Variants in RNF17 observed in about 807,000 individuals in gnomAD.
RNF17 encodes spermatogenesis associated 23.
A neutral mutation model predicts 200.5 loss-of-function variants in RNF17; 31 were observed. The observed-to-expected ratio is 0.15, with a 90% CI of 0.12 to 0.21. The LOEUF (loss-of-function observed/expected upper bound fraction) is 0.21, where lower values mean the gene tolerates loss of function less well. RNF17 is among the 10% of genes least tolerant of loss of function. The pLI is 1.00. For missense variants in RNF17, 1,628 were observed against 1,905.1 expected, an observed-to-expected ratio of 0.85 and a Z score of 2.71; for synonymous variants, 606 against 637.8, an observed-to-expected ratio of 0.95 and a Z score of 0.75.
intron 2 of RNF17, among the ~76,000 whole-genome samples, chr13:24,771,489 A>G (rs1880690368): frequency 6.6e-6 from 1 of 151,552 alleles, no homozygotes; most frequent in Non-Finnish European, 1.5e-5. Context: ...CTAAGTTGTA[A>G]GAGTACTTTA....
chr13:24,879,409 C>T lies in RNF17; in HGVS notation c.*10+114C>T, dbSNP rs191653976. The T allele has an allele frequency of 6.2e-5, 42 of 674,302 alleles. No individual in the cohort carries two copies. In the East Asian group the frequency reaches 8.2e-4, roughly 13 times the overall value. 41.8% of individuals were successfully genotyped at this position (674,302 alleles called of 1,614,324 possible). A position where few individuals can be genotyped will look rare whatever the true frequency, so the allele number is the denominator to read the frequency against. On this transcript the variant is annotated intron_variant, in intron 35 of 35. Coordinates refer to ENST00000255324, the MANE Select transcript of RNF17 (RefSeq NM_031277.3). ...TGATTTCTCAAAGGAATGACAGCAA[C>T]GCTCCACCAGATTTCTTCATAGGCC...
downstream of RNF17, chr13:24,883,361 T>C (rs1953919008): frequency 1.9e-6 from 3 of 1,600,314 alleles, no homozygotes; most frequent in Non-Finnish European, 2.6e-6. Context: ...TATGAGTTTG[T>C]TGCCATCACT....
At chr13:24,881,596 ATATC>A (rs962766296), downstream of RNF17, among the ~76,000 whole-genome samples, 18 of 151,716 alleles carry the variant, frequency 1.2e-4, no homozygotes, top group Middle Eastern at 3.4e-3. Context: ...ATATATAGAT[ATATC>A]TATCTAGATT....
intron 9 of RNF17, among the ~76,000 whole-genome samples, chr13:24,790,627 C>G (rs2137634841): frequency 6.6e-6 from 1 of 152,296 alleles, no homozygotes; most frequent in East Asian, 1.9e-4. Flanking sequence ...TTCTGTAACT[C>G]ATAAAGAACA....
chr13:24,828,620 T>C (rs998505020), intron 16 of RNF17, among the ~76,000 whole-genome samples: 2 of 151,294 alleles, frequency 1.3e-5, no homozygotes, highest in Non-Finnish European at 2.9e-5. Context: ...TATAGTTGTA[T>C]CACAATTTTT....
chr13:24,812,514 A>G (rs1367297920), intron 15 of RNF17, among the ~76,000 whole-genome samples: 3 of 151,546 alleles, frequency 2.0e-5, no homozygotes, highest in African/African-American at 4.8e-5. Context: ...CGCATGGTGC[A>G]TGCACCCACT....
chr13:24,769,079 G>C (rs904263803), intron 2 of RNF17, among the ~76,000 whole-genome samples: 10 of 147,152 alleles, frequency 6.8e-5, no homozygotes, highest in Non-Finnish European at 1.3e-4. Context: ...TGTGGTTGTG[G>C]TAGTAGATCC....
At chr13:24,775,202 GA>G (rs1189026023) in intron 3 of RNF17, among the ~76,000 whole-genome samples, 1 of 152,100 alleles carries the variant, frequency 6.6e-6, no homozygotes, top group Non-Finnish European at 1.5e-5. Context: ...AAGTTATAGA[GA>G]AAAAAAGTAA....
intron 9 of RNF17, among the ~76,000 whole-genome samples, chr13:24,791,021 G>C (rs182544972): frequency 6.6e-6 from 1 of 152,106 alleles, no homozygotes; most frequent in Non-Finnish European, 1.5e-5. Flanking sequence ...TAGACAATGT[G>C]GCATATTTCT....
intron 19 of RNF17, among the ~76,000 whole-genome samples, 158 bp from the exon 20 acceptor site, chr13:24,843,586 C>T (rs1249619485): frequency 2.6e-5 from 4 of 152,016 alleles, no homozygotes; most frequent in Non-Finnish European, 4.4e-5. Context: ...TGAAGTATAA[C>T]TTATATACAG....
chr13:24,844,453 T>G (rs1188717555), intron 20 of RNF17, among the ~76,000 whole-genome samples, 199 bp from the exon 21 acceptor site: 4 of 152,086 alleles, frequency 2.6e-5, no homozygotes, highest in African/African-American at 9.7e-5. Flanking sequence ...GCCATATAAG[T>G]GTCTGAGGGA....
the RNF17 span, among the ~76,000 whole-genome samples, chr13:24,749,242 C>T: frequency 2.6e-4 from 40 of 151,820 alleles, no homozygotes; most frequent in African/African-American, 8.9e-4. Context: ...AGCTGACTTG[C>T]AGAAAGATGA....
intron 27 of RNF17, 59 bp downstream of exon 27, chr13:24,861,446 T>A: frequency 1.7e-6 from 2 of 1,163,256 alleles, no homozygotes; most frequent in South Asian, 1.9e-5. Context: ...TATTAATAAT[T>A]TTTTAGAAAT....
chr13:24,772,859 C>T (rs1880982928), intron 2 of RNF17, among the ~76,000 whole-genome samples: 2 of 152,130 alleles, frequency 1.3e-5, no homozygotes, highest in Non-Finnish European at 2.9e-5. Flanking sequence ...ATCCGCCCGC[C>T]TCAGCCTCCC....
chr13:24,787,923 T>C, intron 6 of RNF17, 65 bp from the exon 7 acceptor site: 2 of 1,310,636 alleles, frequency 1.5e-6, no homozygotes, highest in Non-Finnish European at 2.1e-6. Flanking sequence ...CAAGATACTA[T>C]AGATCGACTT....
intron 2 of RNF17, among the ~76,000 whole-genome samples, chr13:24,774,430 G>A (rs1881262606): frequency 6.6e-6 from 1 of 152,194 alleles, no homozygotes; most frequent in Non-Finnish European, 1.5e-5. Flanking sequence ...GGCTGGTGTT[G>A]AACTCCTGAC....
intron 15 of RNF17, among the ~76,000 whole-genome samples, chr13:24,817,494 G>A (rs1217574057): frequency 2.0e-5 from 3 of 152,092 alleles, no homozygotes; most frequent in Non-Finnish European, 4.4e-5. Context: ...CGAGCCAGGT[G>A]GATCACTTGA....
chr13:24,877,657 A>T (rs1258705355), intron 34 of RNF17, among the ~76,000 whole-genome samples: 3 of 152,220 alleles, frequency 2.0e-5, no homozygotes, highest in Non-Finnish European at 2.9e-5. Flanking sequence ...TGAATAAGTA[A>T]AACAGGAATG....
intron 15 of RNF17, among the ~76,000 whole-genome samples, chr13:24,816,916 C>T (rs564211252): frequency 6.7e-6 from 1 of 149,210 alleles, no homozygotes; most frequent in Non-Finnish European, 1.5e-5. Context: ...GTGACCACCT[C>T]CTCTAGAGCC....
Sources: gnomAD v4.1 joint callset for allele counts (sites outside exome capture counted in the v4.1 genomes callset) on GRCh38, gnomAD v4.1.1 for gene constraint, MANE v1.5 for transcripts, NCBI Gene and HGNC (gene_info 2026-07-23, HGNC 2026-07-21) for gene names.